Variants in FBXO40 observed in about 807,000 individuals in gnomAD.
FBXO40 encodes the protein F-box only protein 40.
FBXO40 carries 50 observed loss-of-function variants against 49.9 expected under a neutral mutation model. The ratio of observed to expected loss-of-function variants is 1.00; its 90% CI spans 0.80 to 1.27. The LOEUF is 1.27. Ranked by LOEUF, FBXO40 falls within the 50% of genes most tolerant of loss-of-function variation. The pLI, the probability that FBXO40 is intolerant of heterozygous loss-of-function variation, is 0.00. For synonymous variants in FBXO40, 340 were observed against 320.2 expected (o/e 1.06, Z -0.66); for missense variants, 895 against 870.1 (o/e 1.03, Z -0.36).
At chr3:121,597,229 A>T (rs2048877140) in intron 1 of FBXO40, among the ~76,000 whole-genome samples, 2 of 152,112 alleles carry the variant, frequency 1.3e-5, no homozygotes, top group South Asian at 2.1e-4. Context: ...GAGCAAAAAA[A>T]TTTACAAATT....
intron 1 of FBXO40, among the ~76,000 whole-genome samples, chr3:121,611,558 A>C (rs1367903187): frequency 1.3e-5 from 2 of 152,164 alleles, no homozygotes; most frequent in African/African-American, 4.8e-5. Flanking sequence ...GAATTGAACA[A>C]ATATACAATC....
intron 3 of FBXO40, 81 bp downstream of exon 3, chr3:121,623,424 C>T (rs947669194): frequency 1.3e-5 from 16 of 1,255,662 alleles, no homozygotes; most frequent in Non-Finnish European, 1.6e-5. Context: ...CTCTCTGTTG[C>T]CCAGGCAAAA....
At chr3:121,613,002 G>A (rs2048975687) in intron 1 of FBXO40, among the ~76,000 whole-genome samples, 1 of 151,516 alleles carries the variant, frequency 6.6e-6, no homozygotes, top group African/African-American at 2.4e-5. Context: ...CCCGGGAGGC[G>A]GAGCTTTCAG....
intron 2 of FBXO40, 73 bp downstream of exon 2, chr3:121,620,651 A>C: frequency 6.4e-7 from 1 of 1,574,168 alleles, no homozygotes; most frequent in Non-Finnish European, 8.7e-7. Flanking sequence ...CTGTAGCCCA[A>C]GCAGCTAGCA....
chr3:121,612,164 C>G (rs145905779), intron 1 of FBXO40, among the ~76,000 whole-genome samples: 1 of 152,094 alleles, frequency 6.6e-6, no homozygotes, highest in African/African-American at 2.4e-5. Flanking sequence ...TAAAAACCAG[C>G]TGAATTTTTT....
In FBXO40 at chr3:121,626,905, T is replaced by C; in HGVS notation, c.2125T>C (p.Ser709Pro). 3 of 1,614,078 alleles carry C rather than the reference T, an allele frequency of 1.9e-6. No homozygotes were observed. The highest frequency in any genetic ancestry group is 2.5e-6 in the Non-Finnish European group (3 of 1,179,990). ...AATCAGACCACGAGGAAGATACGTC[T>C]CCTAAAAATTCAGATGCCACTCGAT... The part of the protein sequence containing the change: ...FRIRPRGRYV[S>P] Residue 709 changes from serine (S) to proline (P), a missense_variant, in exon 4 of 4, where the codon TCC becomes CCC. Physicochemically the swap from Ser to Pro is moderately conservative, Grantham distance 74. Transcript: ENST00000338040.
chr3:121,603,827 T>C (rs2048914070), intron 1 of FBXO40, among the ~76,000 whole-genome samples: 2 of 152,214 alleles, frequency 1.3e-5, no homozygotes, highest in Non-Finnish European at 2.9e-5. Flanking sequence ...CAAGCGATTC[T>C]CCTGCCTCAG....
At position 121,626,782 on chromosome 3, in the gene FBXO40, C is replaced by T. The variant is rs1450325819; in HGVS notation, c.2002C>T (p.Pro668Ser). The change falls in exon 4 of 4, where the codon CCT becomes TCT. Residue 668 changes from proline (P) to serine (S), a missense_variant. Pro to Ser is a moderately conservative substitution (Grantham distance 74). Coordinates refer to ENST00000338040, the MANE Select transcript of FBXO40 (RefSeq NM_016298.4). ...CATGTCTGAGCACCTGAAGTCCTGTCCTTTCAACATTGTAGAGCACAAAAC... is the reference window on the plus strand; with the variant it reads ...CATGTCTGAGCACCTGAAGTCCTGTTCTTTCAACATTGTAGAGCACAAAAC... Reference protein sequence around the residue: ...TSMSEHLKSCPFNIVEHKTDP... With the variant: ...TSMSEHLKSCSFNIVEHKTDP... 6.2e-7 allele frequency: 1 copy of T among 1,614,138 alleles called. No homozygotes were observed. The highest frequency in any genetic ancestry group is 2.2e-5 in the East Asian group (1 of 44,878).
In FBXO40 at chr3:121,620,636, TTA is replaced by T. The variant is rs916997890; in HGVS notation, c.3+60_3+61del. 2.5e-6 allele frequency: 4 copies of T among 1,608,948 alleles called. No homozygotes were observed. In the African/African-American group the frequency reaches 5.3e-5, roughly 22 times the overall value. On this transcript the variant is annotated intron_variant, in intron 2 of 3. Coordinates refer to ENST00000338040, the MANE Select transcript of FBXO40 (RefSeq NM_016298.4). ...TTGAGAGGTCCAGGTCTTCCTTCAT[TTA>T]TCCTGTAGCCCAAGCAGCTAGCAGA...
intron 1 of FBXO40, among the ~76,000 whole-genome samples, chr3:121,597,815 C>G (rs2108843529): frequency 6.6e-6 from 1 of 152,140 alleles, no homozygotes; most frequent in Non-Finnish European, 1.5e-5. Context: ...GTGCCTGACA[C>G]CACACCCGGC....
Position 121,622,310 on chromosome 3 carries a change from T to C in FBXO40, c.881T>C (p.Val294Ala), listed in dbSNP as rs773950495. The C allele has an allele frequency of 1.4e-4, 226 of 1,614,212 alleles. 5 individuals carry two copies. The Middle Eastern group carries it at 1.5e-3, about 11-fold the overall frequency. ...TTGLAPWQDG[V>A]LERLKTAVDA... Reference sequence around the variant, plus strand: ...GGGCTTGCCCCTTGGCAGGATGGTGTTCTGGAAAGACTGAAAACAGCTGTG... The same window carrying C: ...GGGCTTGCCCCTTGGCAGGATGGTGCTCTGGAAAGACTGAAAACAGCTGTG... Residue 294 changes from valine (V) to alanine (A), a missense_variant, in exon 3 of 4, where the codon GTT becomes GCT. Physicochemically the swap from Val to Ala is moderately conservative, Grantham distance 64 (BLOSUM62 0). Transcript: ENST00000338040.
intron 1 of FBXO40, among the ~76,000 whole-genome samples, chr3:121,607,427 A>G: frequency 7.0e-6 from 1 of 143,640 alleles, no homozygotes. Flanking sequence ...CTCCTGCCTC[A>G]GCCTCCCAAG....
rs767925029 is a variant in FBXO40 at position 121,621,466 on chromosome 3, A to G, written c.37A>G (p.Arg13Gly). ...KARRSPPGHH[R>G]HCEGCFNRHC... The stretch of plus-strand genomic sequence containing the variant: ...CCGCAGATCCCCGCCAGGGCACCAC[A>G]GGCATTGTGAGGGATGCTTCAACCG... Residue 13 changes from arginine to glycine, a missense_variant, in exon 3 of 4, where the codon AGG becomes GGG. Physicochemically the swap from Arg to Gly is moderately radical, Grantham distance 125 (BLOSUM62 -2). Coordinates refer to ENST00000338040, the MANE Select transcript of FBXO40 (RefSeq NM_016298.4). 1.4e-5 allele frequency: 23 copies of G among 1,614,098 alleles called. No individual in the cohort carries two copies. The highest frequency in any genetic ancestry group is 8.8e-5 in the South Asian group (8 of 91,058).
chr3:121,593,442 C>G lies in FBXO40; in HGVS notation c.-91C>G, dbSNP rs1009200400. ...GCAACCCAGCCACCTCCCGGCAATC[C>G]GCTTACTTGCAATCAAGGGTTCAGG... On this transcript the variant is annotated 5_prime_UTR_variant, in exon 1 of 4. Transcript: ENST00000338040. 41 of 152,366 alleles carry G rather than the reference C, an allele frequency of 2.7e-4. No individual in the cohort carries two copies. The highest frequency in any genetic ancestry group is 2.4e-3 in the Admixed American group (36 of 15,276). 9.4% of individuals were successfully genotyped at this position (152,366 alleles called of 1,614,324 possible). A position where few individuals can be genotyped will look rare whatever the true frequency, so the allele number is the denominator to read the frequency against.
At chr3:121,620,839 G>C (rs2049026091) in intron 2 of FBXO40, among the ~76,000 whole-genome samples, 1 of 152,256 alleles carries the variant, frequency 6.6e-6, no homozygotes, top group South Asian at 2.1e-4. Context: ...AATCTAAATG[G>C]CTAGCAATTC....
In FBXO40 at chr3:121,627,108, C is replaced by T; in HGVS notation, c.*198C>T. On this transcript the variant is annotated 3_prime_UTR_variant, in exon 4 of 4. Coordinates refer to ENST00000338040, the MANE Select transcript of FBXO40 (RefSeq NM_016298.4). ...TAAGCCATGTCTTGTACCATAGTGC[C>T]ACATTGATGACTTGTTTCCTTTTTT... 2 of 556,100 alleles carry T rather than the reference C, an allele frequency of 3.6e-6. No homozygotes were observed. The highest frequency in any genetic ancestry group is 3.2e-6 in the Non-Finnish European group (1 of 314,048). 34.4% of individuals were successfully genotyped at this position (556,100 alleles called of 1,614,324 possible).
chr3:121,606,118 A>G (rs2048930934), intron 1 of FBXO40, among the ~76,000 whole-genome samples: 1 of 152,256 alleles, frequency 6.6e-6, no homozygotes, highest in Non-Finnish European at 1.5e-5. Flanking sequence ...GACGACCAGG[A>G]GGAGGATCAG....
chr3:121,608,884 A>G (rs978571473), intron 1 of FBXO40, among the ~76,000 whole-genome samples: 4 of 152,230 alleles, frequency 2.6e-5, no homozygotes, highest in Non-Finnish European at 5.9e-5. Flanking sequence ...ACATAAAGGA[A>G]AAATGGCTTA....
chr3:121,600,506 G>A (rs769996717), intron 1 of FBXO40, among the ~76,000 whole-genome samples: 8 of 152,082 alleles, frequency 5.3e-5, no homozygotes, highest in Admixed American at 1.3e-4. Context: ...AGGAAGGAGG[G>A]GCTTCTTAAG....
Sources: allele counts gnomAD v4.1 joint callset (sites outside exome capture counted in the v4.1 genomes callset), GRCh38; gene constraint gnomAD v4.1.1; transcripts MANE v1.5; gene names NCBI Gene and HGNC (gene_info 2026-07-23, HGNC 2026-07-21).